The following CNTNAP5 variants were observed in gnomAD, a reference collection of about 807,000 sequenced individuals.
CNTNAP5 encodes contactin-associated protein-like 5.
In CNTNAP5, 72 loss-of-function variants were observed where a neutral mutation model predicts 150.2. The ratio of observed to expected loss-of-function variants is 0.48; its 90% CI spans 0.40 to 0.58. The LOEUF (loss-of-function observed/expected upper bound fraction) is 0.58, where lower values mean the gene tolerates loss of function less well. Ranked by LOEUF, CNTNAP5 falls within the 20% of genes least tolerant of loss-of-function variation. The pLI is 0.00. For missense variants in CNTNAP5, 1,636 were observed against 1,626.2 expected, an observed-to-expected ratio of 1.01 and a Z score of -0.10; for synonymous variants, 672 against 619.8, an observed-to-expected ratio of 1.08 and a Z score of -1.25.
At chr2:124,444,900 CAT>C (rs1692773628) in intron 5 of CNTNAP5, among the ~76,000 whole-genome samples, 1 of 152,124 alleles carries the variant, frequency 6.6e-6, no homozygotes, top group Non-Finnish European at 1.5e-5. Context: ...CCGCACTCTG[CAT>C]TTCCATGGCC....
chr2:124,521,555 A>G (rs893684165), intron 8 of CNTNAP5, among the ~76,000 whole-genome samples: 9 of 152,134 alleles, frequency 5.9e-5, no homozygotes, highest in Admixed American at 3.3e-4. Context: ...CATCTGTAAC[A>G]TGAATACATG....
chr2:124,619,770 C>T (rs569256685), intron 12 of CNTNAP5, among the ~76,000 whole-genome samples: 207 of 149,836 alleles, frequency 1.4e-3, no homozygotes, highest in African/African-American at 4.8e-3. Context: ...GCTTCCCCTG[C>T]AGATTTTGGG....
chr2:124,860,721 C>G (rs986802529), intron 19 of CNTNAP5, among the ~76,000 whole-genome samples: 3 of 152,024 alleles, frequency 2.0e-5, no homozygotes, highest in African/African-American at 7.3e-5. Context: ...GTAGACAACA[C>G]AACACAGTAC....
At chr2:124,836,841 G>A (rs995212049) in intron 19 of CNTNAP5, among the ~76,000 whole-genome samples, 34 of 152,094 alleles carry the variant, frequency 2.2e-4, no homozygotes, top group Non-Finnish European at 2.2e-4. Flanking sequence ...CACATACCTC[G>A]TGTTTGTATT....
At chr2:124,674,564 T>A (rs1381930638) in intron 13 of CNTNAP5, among the ~76,000 whole-genome samples, 1 of 148,560 alleles carries the variant, frequency 6.7e-6, no homozygotes, top group East Asian at 2.0e-4. Context: ...CCTTTCTTCC[T>A]TTCTTTCTTT....
chr2:124,867,206 A>G (rs1677651234), intron 20 of CNTNAP5, among the ~76,000 whole-genome samples: 1 of 152,188 alleles, frequency 6.6e-6, no homozygotes, highest in African/African-American at 2.4e-5. Flanking sequence ...ACTAATATAC[A>G]GACAACAATA....
intron 1 of CNTNAP5, among the ~76,000 whole-genome samples, chr2:124,026,272 T>C (rs553385226): frequency 7.9e-5 from 12 of 152,262 alleles, no homozygotes; most frequent in African/African-American, 2.4e-4. Context: ...GATTGGGAGT[T>C]TTGGCCTAAG....
At chr2:124,566,360 T>C (rs757746161) in intron 11 of CNTNAP5, among the ~76,000 whole-genome samples, 1 of 152,176 alleles carries the variant, frequency 6.6e-6, no homozygotes, top group Admixed American at 6.5e-5. Context: ...GAGGAGTTCA[T>C]CTCTATGGAT....
Position 124,858,233 on chromosome 2 carries a change from G to C in CNTNAP5, c.3218-7073G>C, listed in dbSNP as rs534736933. 6.2e-4 allele frequency among the ~76,000 whole-genome samples: 94 copies of C among 152,216 alleles called. 1 individual carries two copies. In the South Asian group the frequency reaches 0.019, roughly 30 times the overall value. ...AATCAGGCAGGAGAAGGAAATAAAG[G>C]GTATTCAATTAGGAAAAGAGGAAGT... On this transcript the variant is annotated intron_variant, in intron 19 of 23. Coordinates refer to ENST00000682447, the MANE Select transcript of CNTNAP5 (RefSeq NM_001367498.1).
At chr2:124,220,020 A>T (rs1686263830) in intron 1 of CNTNAP5, among the ~76,000 whole-genome samples, 1 of 152,068 alleles carries the variant, frequency 6.6e-6, no homozygotes. Flanking sequence ...TTGCCAGTTG[A>T]TTTTTTAATA....
chr2:124,028,424 T>C (rs903456915), intron 1 of CNTNAP5, among the ~76,000 whole-genome samples: 2 of 152,100 alleles, frequency 1.3e-5, no homozygotes, highest in Admixed American at 6.6e-5. Context: ...TTTATAAGTT[T>C]CTAATTAAAC....
chr2:124,427,215 C>G (rs1692258901), intron 4 of CNTNAP5, among the ~76,000 whole-genome samples: 1 of 152,070 alleles, frequency 6.6e-6, no homozygotes, highest in Non-Finnish European at 1.5e-5. Flanking sequence ...TCCACAACGA[C>G]CACATTAGGG....
At chr2:124,410,195 T>C (rs760690671) in intron 3 of CNTNAP5, among the ~76,000 whole-genome samples, 6,105 of 150,188 alleles carry the variant, frequency 0.041, 157 homozygotes, top group Non-Finnish European at 0.052. Flanking sequence ...TAAATATATA[T>C]GCACCCAATA....
At chr2:124,772,031 C>A (rs1051279223) in intron 16 of CNTNAP5, among the ~76,000 whole-genome samples, 4 of 151,902 alleles carry the variant, frequency 2.6e-5, no homozygotes, top group African/African-American at 7.3e-5. Flanking sequence ...ATCACCACCA[C>A]CCCCATCAGC....
intron 3 of CNTNAP5, among the ~76,000 whole-genome samples, chr2:124,282,843 A>G (rs1370821511): frequency 3.9e-5 from 6 of 152,150 alleles, no homozygotes; most frequent in Non-Finnish European, 7.3e-5. Context: ...GATTCTCTAG[A>G]GTCAATATTA....
At chr2:124,374,984 TA>T (rs1437679101) in intron 3 of CNTNAP5, among the ~76,000 whole-genome samples, 2 of 152,074 alleles carry the variant, frequency 1.3e-5, no homozygotes, top group Non-Finnish European at 2.9e-5. Context: ...TAAATTACAC[TA>T]AAATTCTATG....
intron 1 of CNTNAP5, among the ~76,000 whole-genome samples, chr2:124,108,500 T>C (rs1286374705): frequency 6.6e-5 from 10 of 152,152 alleles, no homozygotes. Flanking sequence ...AGGCCATCTC[T>C]CTGTCTCGTT....
chr2:124,529,225 C>T (rs1695049692), intron 10 of CNTNAP5, among the ~76,000 whole-genome samples: 1 of 152,166 alleles, frequency 6.6e-6, no homozygotes, highest in African/African-American at 2.4e-5. Flanking sequence ...AAGCATCCTA[C>T]TTCATCAGCC....
At chr2:124,563,148 A>T in intron 10 of CNTNAP5, 69 bp from the exon 11 acceptor site, 4 of 970,648 alleles carry the variant, frequency 4.1e-6, no homozygotes, top group Middle Eastern at 5.3e-4. Context: ...GATATGAGAC[A>T]TTTTTGCTTT....
Sources: allele counts gnomAD v4.1 joint callset (sites outside exome capture counted in the v4.1 genomes callset), GRCh38; gene constraint gnomAD v4.1.1; transcripts MANE v1.5; gene names NCBI Gene and HGNC (gene_info 2026-07-23, HGNC 2026-07-21).